Variants in RAB3C observed in about 807,000 individuals in gnomAD.
RAB3C encodes RAB3C, member RAS oncogene family, also known as ras-related protein Rab-3C.
RAB3C carries 17 observed loss-of-function variants against 26.4 expected under a neutral mutation model. That is an observed-to-expected ratio of 0.64 (90% CI 0.44 to 0.97). The LOEUF is 0.97. Ranked by LOEUF, RAB3C falls within the 50% of genes least tolerant of loss-of-function variation. RAB3C has a pLI of 0.00. For missense variants in RAB3C, 242 were observed against 281.9 expected (o/e 0.86, Z 1.01); for synonymous variants, 91 against 95.9 (o/e 0.95, Z 0.30).
At chr5:58,799,535 C>T (rs1028511081) in intron 3 of RAB3C, among the ~76,000 whole-genome samples, 1 of 152,156 alleles carries the variant, frequency 6.6e-6, no homozygotes, top group African/African-American at 2.4e-5. Context: ...AATGTGAACA[C>T]AATCAACGTG....
chr5:58,617,409 A>C, intron 1 of RAB3C: 2 of 718,810 alleles, frequency 2.8e-6, no homozygotes, highest in South Asian at 2.9e-5. Context: ...GAGCAGTGAC[A>C]TGCACCAACA....
At chr5:58,834,964 T>A (rs4998247) in intron 4 of RAB3C, among the ~76,000 whole-genome samples, 9,190 of 152,230 alleles carry the variant, frequency 0.06, 376 homozygotes, top group East Asian at 0.14. Flanking sequence ...ATGAATAAAG[T>A]GACCATGCAT....
At chr5:58,658,940 T>C (rs1420666736) in intron 2 of RAB3C, among the ~76,000 whole-genome samples, 1 of 152,188 alleles carries the variant, frequency 6.6e-6, no homozygotes, top group Non-Finnish European at 1.5e-5. Flanking sequence ...GTCATTTGTA[T>C]TGGCCAGAGC....
intron 3 of RAB3C, among the ~76,000 whole-genome samples, chr5:58,777,841 G>C (rs1283262347): frequency 1.3e-5 from 2 of 151,612 alleles, no homozygotes; most frequent in Admixed American, 1.3e-4. Context: ...GAGAACATGT[G>C]GTGTTTGGTT....
chr5:58,657,231 G>A (rs1352090333), intron 2 of RAB3C, among the ~76,000 whole-genome samples: 1 of 151,980 alleles, frequency 6.6e-6, no homozygotes, highest in Non-Finnish European at 1.5e-5. Flanking sequence ...TGAGGACTTT[G>A]GGGGGAAGAA....
chr5:58,753,429 A>G (rs1741577317), intron 3 of RAB3C, among the ~76,000 whole-genome samples: 1 of 152,136 alleles, frequency 6.6e-6, no homozygotes, highest in Non-Finnish European at 1.5e-5. Context: ...TACATAAGTA[A>G]CCCCTCAGTT....
At chr5:58,605,310 A>G (rs1398456788) in intron 1 of RAB3C, among the ~76,000 whole-genome samples, 1 of 152,096 alleles carries the variant, frequency 6.6e-6, no homozygotes, top group Non-Finnish European at 1.5e-5. Flanking sequence ...GGTGCAATCT[A>G]GTCCTGCCTC....
At chr5:58,829,435 A>G (rs1743565198) in intron 4 of RAB3C, among the ~76,000 whole-genome samples, 1 of 152,152 alleles carries the variant, frequency 6.6e-6, no homozygotes, top group Non-Finnish European at 1.5e-5. Flanking sequence ...AAAGAAAGAA[A>G]TTTATAGAGG....
At chr5:58,699,822 A>T (rs1233694630) in intron 2 of RAB3C, among the ~76,000 whole-genome samples, 1 of 152,228 alleles carries the variant, frequency 6.6e-6, no homozygotes, top group Non-Finnish European at 1.5e-5. Flanking sequence ...ATCTTGGGAA[A>T]AGCGCAGTAT....
chr5:58,839,660 GCACC>G (rs567759082), intron 4 of RAB3C, among the ~76,000 whole-genome samples: 39 of 152,220 alleles, frequency 2.6e-4, no homozygotes, highest in African/African-American at 9.1e-4. Context: ...ATGAGCCACT[GCACC>G]CAGCCTGATT....
At position 58,615,549 on chromosome 5, in the gene RAB3C, C is replaced by G. The variant is rs551537941; in HGVS notation, c.25-2094C>G. Among the ~76,000 whole-genome samples the G allele has an allele frequency of 2.0e-5, 3 of 152,240 alleles. No individual in the cohort carries two copies. In the East Asian group the frequency reaches 5.8e-4, roughly 29 times the overall value. ...TCATGGCAAAAGATCATTGTTCAAA[C>G]TAGTGGTCAAGAGTTGCAATCCTAC... is the stretch of plus-strand genomic sequence containing the variant. On this transcript the variant is annotated intron_variant, in intron 1 of 4. Coordinates refer to ENST00000282878, the MANE Select transcript of RAB3C (RefSeq NM_138453.4).
intron 2 of RAB3C, among the ~76,000 whole-genome samples, chr5:58,676,758 G>A (rs1748238756): frequency 6.6e-6 from 1 of 152,064 alleles, no homozygotes; most frequent in African/African-American, 2.4e-5. Context: ...AAAACAGGAA[G>A]TTTCATTTTG....
rs1400311790 is a variant in RAB3C, at chr5:58,855,536, C to G, written c.*4185C>G. On this transcript the variant is annotated 3_prime_UTR_variant, in exon 5 of 5. Transcript: ENST00000282878. The stretch of plus-strand genomic sequence containing the variant: ...ACACCCATGTGGCCTTTCTGTCACT[C>G]CCTGGAAAATGCAACCTCTACAGCT... The G allele has an allele frequency of 6.6e-6, 1 of 152,226 alleles. No homozygotes were observed. Among genetic ancestry groups the G allele is most frequent in the South Asian group, 2.1e-4 (1 of 4,830 alleles). 9.4% of individuals were successfully genotyped at this position (152,226 alleles called of 1,614,324 possible).
At chr5:58,729,981 C>T (rs916295596) in intron 3 of RAB3C, among the ~76,000 whole-genome samples, 4 of 149,300 alleles carry the variant, frequency 2.7e-5, no homozygotes, top group African/African-American at 9.8e-5. Flanking sequence ...ATCTAAAGTA[C>T]TAAACAGAAT....
chr5:58,649,401 G>C (rs1028061487), intron 2 of RAB3C, among the ~76,000 whole-genome samples: 10 of 151,950 alleles, frequency 6.6e-5, no homozygotes, highest in African/African-American at 2.4e-4. Context: ...TGTGGTCACT[G>C]ACCTCTAATT....
rs556421087 is a variant in RAB3C, at chr5:58,728,347, A to G, written c.371+2227A>G. Reference sequence around the variant, plus strand: ...TGTCTTTTATTTCTTCCTCTTTTACAAATAGAATCTCATTGACCACCAAGT... The same window carrying G: ...TGTCTTTTATTTCTTCCTCTTTTACGAATAGAATCTCATTGACCACCAAGT... On this transcript the variant is annotated intron_variant, in intron 3 of 4. Coordinates refer to ENST00000282878, the MANE Select transcript of RAB3C (RefSeq NM_138453.4). Among the ~76,000 whole-genome samples the G allele has an allele frequency of 1.0e-3, 158 of 152,176 alleles. 1 individual carries two copies. The highest frequency in any genetic ancestry group is 3.7e-3 in the African/African-American group (154 of 41,556).
At chr5:58,774,137 A>G (rs555873300) in intron 3 of RAB3C, among the ~76,000 whole-genome samples, 2 of 152,264 alleles carry the variant, frequency 1.3e-5, no homozygotes, top group South Asian at 4.1e-4. Context: ...AGCACCTGAG[A>G]CATAGTATGT....
intron 2 of RAB3C, among the ~76,000 whole-genome samples, chr5:58,690,018 C>G (rs1027291784): frequency 1.3e-5 from 2 of 152,014 alleles, no homozygotes; most frequent in African/African-American, 4.8e-5. Context: ...CAATTTATAC[C>G]TAGAGTTATG....
intron 2 of RAB3C, among the ~76,000 whole-genome samples, chr5:58,639,241 G>A (rs1033536779): frequency 2.0e-5 from 3 of 152,124 alleles, no homozygotes; most frequent in Non-Finnish European, 4.4e-5. Context: ...ATACATTATC[G>A]ATGACCTTGA....
Sources: gnomAD v4.1 joint callset for allele counts (sites outside exome capture counted in the v4.1 genomes callset) on GRCh38, gnomAD v4.1.1 for gene constraint, MANE v1.5 for transcripts, NCBI Gene and HGNC (gene_info 2026-07-23, HGNC 2026-07-21) for gene names.